Variants in CIITA observed in about 807,000 individuals in gnomAD.
CIITA encodes class II major histocompatibility complex transactivator, also known as MHC class II transactivator.
Under a neutral mutation model 115.1 loss-of-function variants are expected in CIITA, and 72 were observed. The ratio of observed to expected loss-of-function variants is 0.63; its 90% CI spans 0.52 to 0.76. The LOEUF is 0.76. Among genes scored for constraint, CIITA ranks in the 30% least tolerant of loss-of-function variants. CIITA has a pLI of 0.00. For synonymous variants in CIITA, 763 were observed against 635.6 expected, an observed-to-expected ratio of 1.20 and a Z score of -3.02; for missense variants, 1,617 against 1,463.8, an observed-to-expected ratio of 1.10 and a Z score of -1.71.
Position 10,879,312 on chromosome 16 carries a change from T to G in CIITA, c.52+1930T>G, listed in dbSNP as rs2036167827. Among the ~76,000 whole-genome samples the G allele has an allele frequency of 6.6e-6, 1 of 152,066 alleles. No homozygotes were observed. Among genetic ancestry groups the G allele is most frequent in the Non-Finnish European group, 1.5e-5 (1 of 68,000 alleles). On this transcript the variant is annotated intron_variant, in intron 1 of 19. Coordinates refer to ENST00000324288, the MANE Select transcript of CIITA (RefSeq NM_000246.4). The surrounding 1 kb of genome is among the most constrained non-coding windows in gnomAD (Gnocchi z 4.3). ...GGCAGGAAAGCCTGGCGGCAGCTTC[T>G]GCAGAGAAGCCGGAGCGCAGACTGG...
At chr16:10,883,118 C>T (rs894804142) in intron 1 of CIITA, among the ~76,000 whole-genome samples, 6 of 151,994 alleles carry the variant, frequency 3.9e-5, no homozygotes, top group African/African-American at 7.2e-5. Flanking sequence ...AGAGTGCTGG[C>T]GGGGGGACTG....
intron 5 of CIITA, among the ~76,000 whole-genome samples, chr16:10,900,776 G>C (rs531966627): frequency 6.6e-5 from 10 of 151,820 alleles, no homozygotes; most frequent in African/African-American, 2.4e-4. Flanking sequence ...TACAATAAAA[G>C]TGAAAGAATG....
chr16:10,902,903 C>T lies in CIITA; in HGVS notation c.772+102C>T, dbSNP rs906550015. 2.9e-6 allele frequency: 4 copies of T among 1,386,432 alleles called. No homozygotes were observed. The African/African-American group carries it at 5.7e-5, about 20-fold the overall frequency. 85.9% of individuals were successfully genotyped at this position (1,386,432 alleles called of 1,614,324 possible). A position where few individuals can be genotyped will look rare whatever the true frequency, so the allele number is the denominator to read the frequency against. On this transcript the variant is annotated intron_variant, in intron 8 of 19. Coordinates refer to ENST00000324288, the MANE Select transcript of CIITA (RefSeq NM_000246.4). ...CATGCACTTGGCAGTGGTGCCCTAG[C>T]ACCTTCTCATGATCCTCCCTCCCCA...
In CIITA at chr16:10,904,754, G is replaced by T; in HGVS notation, c.948G>T (p.Thr316=). The stretch of plus-strand genomic sequence containing the variant: ...CTTCTCCATCTCCAGAGCACAAGAC[G>T]TCCCCCACCCAATGCCCGGCAGCTG... ...TSRANMTEHK[T]SPTQCPAAGE... Residue 316 remains threonine, a synonymous_variant, in exon 10 of 20, where the codon ACG becomes ACT. Transcript: ENST00000324288. The T allele has an allele frequency of 1.9e-6, 3 of 1,614,072 alleles. No individual in the cohort carries two copies. Among genetic ancestry groups the T allele is most frequent in the Non-Finnish European group, 2.5e-6 (3 of 1,179,986 alleles).
At chr16:10,872,025 A>G (rs895140238) in intron 1 of CIITA, among the ~76,000 whole-genome samples, 3 of 151,556 alleles carry the variant, frequency 2.0e-5, no homozygotes, top group African/African-American at 7.3e-5. Context: ...CCATCCACCT[A>G]CCTGCCTGCC....
intron 9 of CIITA, 148 bp from the exon 10 acceptor site, chr16:10,904,596 G>C (rs1309838756): frequency 1.3e-6 from 1 of 770,430 alleles, no homozygotes; most frequent in Non-Finnish European, 2.3e-6. Flanking sequence ...ACATATTTGA[G>C]TTAGATACAG....
intron 9 of CIITA, among the ~76,000 whole-genome samples, chr16:10,904,388 A>G (rs1009580821): frequency 6.6e-6 from 1 of 151,924 alleles, no homozygotes; most frequent in East Asian, 1.9e-4. Flanking sequence ...CACCCAGCCA[A>G]TTTTTGTAAT....
intron 10 of CIITA, among the ~76,000 whole-genome samples, chr16:10,906,075 C>T (rs2039128066): frequency 2.0e-5 from 3 of 151,934 alleles, no homozygotes; most frequent in South Asian, 2.1e-4. Flanking sequence ...CGCCTGTAGT[C>T]CCAGCTACTC....
rs2040215711 is a variant in CIITA at position 10,920,568 on chromosome 16, T to A, written c.3150-1599T>A. On this transcript the variant is annotated intron_variant, in intron 16 of 19. Coordinates refer to ENST00000324288, the MANE Select transcript of CIITA (RefSeq NM_000246.4). The surrounding 1 kb of genome is among the most constrained non-coding windows in gnomAD (Gnocchi z 4.5). Reference sequence around the variant, plus strand: ...AGCCTGATTTACCCTTTAAGAAACATCATATTTCATGGAATCTAAGATGCC... The same window carrying A: ...AGCCTGATTTACCCTTTAAGAAACAACATATTTCATGGAATCTAAGATGCC... Among the ~76,000 whole-genome samples, 1 of 152,160 alleles carries A rather than the reference T, an allele frequency of 6.6e-6. No individual in the cohort carries two copies. Among genetic ancestry groups the A allele is most frequent in the African/African-American group, 2.4e-5 (1 of 41,430 alleles).
chr16:10,877,832 A>C (rs1425582150), intron 1 of CIITA, among the ~76,000 whole-genome samples: 4 of 152,212 alleles, frequency 2.6e-5, no homozygotes, highest in African/African-American at 7.2e-5. Flanking sequence ...AGCCCTCAGC[A>C]GCTGGGGAGA....
chr16:10,870,565 AG>A (rs1387632099), intron 1 of CIITA, among the ~76,000 whole-genome samples: 1 of 152,196 alleles, frequency 6.6e-6, no homozygotes, highest in Admixed American at 6.5e-5. Flanking sequence ...AGGCCAAAGA[AG>A]GGGGAGCTAG....
upstream of CIITA, among the ~76,000 whole-genome samples, chr16:10,875,686 A>G (rs542233805): frequency 6.6e-6 from 1 of 151,926 alleles, no homozygotes; most frequent in South Asian, 2.1e-4. Context: ...CTTTTTCTTT[A>G]GGAGAGGCAG....
upstream of CIITA, among the ~76,000 whole-genome samples, chr16:10,873,785 G>T (rs1287982926): frequency 6.6e-6 from 1 of 152,048 alleles, no homozygotes; most frequent in Non-Finnish European, 1.5e-5. Context: ...GTGGTTGCTG[G>T]CATGCTAGTT....
intron 1 of CIITA, among the ~76,000 whole-genome samples, chr16:10,893,186 C>T (rs145217746): frequency 1.8e-4 from 28 of 152,222 alleles, no homozygotes; most frequent in African/African-American, 6.7e-4. Context: ...GCAGCGTGGC[C>T]CTGCTGACAC....
chr16:10,900,754 AT>A (rs2038663429), intron 5 of CIITA, among the ~76,000 whole-genome samples: 1 of 150,608 alleles, frequency 6.6e-6, no homozygotes, highest in African/African-American at 2.5e-5. Flanking sequence ...AAAAAAAAAA[AT>A]GTTTTCAAGA....
Position 10,932,903 on chromosome 16 carries a change from A to G in CIITA, c.*9048A>G, listed in dbSNP as rs1012064621. On this transcript the variant is annotated 3_prime_UTR_variant, in exon 20 of 20. Transcript: ENST00000324288. ...GGGGTTTCACCATGTTGGCCAGGCT[A>G]AAATCTCATAACGTTTTAAGAAAGT... is the stretch of plus-strand genomic sequence containing the variant. 6.6e-6 allele frequency: 1 copy of G among 152,062 alleles called. No homozygotes were observed. The highest frequency in any genetic ancestry group is 1.5e-5 in the Non-Finnish European group (1 of 68,022). 9.4% of individuals were successfully genotyped at this position (152,062 alleles called of 1,614,324 possible). A position where few individuals can be genotyped will look rare whatever the true frequency, so the allele number is the denominator to read the frequency against.
chr16:10,882,042 A>G (rs2036483405), intron 1 of CIITA, among the ~76,000 whole-genome samples: 1 of 152,160 alleles, frequency 6.6e-6, no homozygotes, highest in African/African-American at 2.4e-5. Context: ...TGGATATCCC[A>G]TATTTTGTTC....
Position 10,941,628 on chromosome 16 carries a change from C to A in CIITA, n.754C>A. The A allele has an allele frequency of 6.6e-6, 10 of 1,522,370 alleles. No individual in the cohort carries two copies. The highest frequency in any genetic ancestry group is 8.8e-6 in the Non-Finnish European group (10 of 1,135,956). The allele number at this position is 1,522,370 out of a possible 1,614,324, so 94.3% of individuals were successfully genotyped here. On this transcript the variant is annotated non_coding_transcript_exon_variant, in exon 2 of 2. Coordinates refer to the CIITA transcript ENST00000573379. This position sits in a 1 kb window ranked among gnomAD's most constrained non-coding sequence, Gnocchi z 6.4. ...GAACCATCCCCGTCCAGATGGTGCCCCCAACCAGCTGCGGCGGCATGATCT... is the reference window on the plus strand; with the variant it reads ...GAACCATCCCCGTCCAGATGGTGCCACCAACCAGCTGCGGCGGCATGATCT...
chr16:10,941,680 C>A lies in CIITA; in HGVS notation n.806C>A, dbSNP rs767284274. On this transcript the variant is annotated non_coding_transcript_exon_variant, in exon 2 of 2. Transcript: ENST00000573379. This position sits in a 1 kb window ranked among gnomAD's most constrained non-coding sequence, Gnocchi z 6.4. ...GGCGGCTGGTCCAGGGCATGGGTTG[C>A]GGATCGTGTAGGGAAGAGGGGAACA... The A allele has an allele frequency of 6.4e-7, 1 of 1,567,412 alleles. No homozygotes were observed. The highest frequency in any genetic ancestry group is 8.7e-7 in the Non-Finnish European group (1 of 1,154,112).
Sources: allele counts gnomAD v4.1 joint callset (sites outside exome capture counted in the v4.1 genomes callset), GRCh38; gene constraint gnomAD v4.1.1; non-coding constraint Gnocchi (gnomAD v3.1); transcripts MANE v1.5; gene names NCBI Gene and HGNC (gene_info 2026-07-23, HGNC 2026-07-21).